Variants in CERS6 observed in about 807,000 individuals in gnomAD.
CERS6 encodes the protein LAG1 homolog, ceramide synthase 6.
Under a neutral mutation model 56.8 loss-of-function variants are expected in CERS6, and 26 were observed. The observed-to-expected ratio is 0.46, with a 90% CI of 0.34 to 0.63. The LOEUF is 0.63. CERS6 is among the 30% of genes least tolerant of loss of function. The pLI is 0.01. For synonymous variants in CERS6, 164 were observed against 173.3 expected (o/e 0.95, Z 0.42); for missense variants, 415 against 467.5 (o/e 0.89, Z 1.04).
intron 1 of CERS6, among the ~76,000 whole-genome samples, chr2:168,483,781 T>C (rs1480198523): frequency 3.9e-5 from 6 of 152,206 alleles, no homozygotes; most frequent in Non-Finnish European, 2.9e-5. Context: ...ACTAGGCGTA[T>C]TGGAACTTAA....
chr2:168,471,085 G>A (rs919235329), intron 1 of CERS6, among the ~76,000 whole-genome samples: 9 of 152,282 alleles, frequency 5.9e-5, no homozygotes, highest in Admixed American at 3.3e-4. Flanking sequence ...CTAAGATTGG[G>A]CAGAAGGCAA....
chr2:168,765,038 A>G (rs573785768), intron 8 of CERS6, among the ~76,000 whole-genome samples: 1 of 152,384 alleles, frequency 6.6e-6, no homozygotes, highest in South Asian at 2.1e-4. Flanking sequence ...TTAAAAAGGA[A>G]GGAAATTCTG....
intron 8 of CERS6, among the ~76,000 whole-genome samples, chr2:168,730,820 G>A (rs976649402): frequency 6.6e-6 from 1 of 152,140 alleles, no homozygotes; most frequent in Non-Finnish European, 1.5e-5. Context: ...AAGAGACATT[G>A]CAAAATAAAT....
chr2:168,759,876 C>T (rs1175249739), intron 8 of CERS6, among the ~76,000 whole-genome samples: 1 of 150,868 alleles, frequency 6.6e-6, no homozygotes, highest in Non-Finnish European at 1.5e-5. Context: ...TTATTAAAGC[C>T]AAAAGCTGTA....
At chr2:168,573,078 G>T (rs982970908) in intron 3 of CERS6, among the ~76,000 whole-genome samples, 1 of 152,054 alleles carries the variant, frequency 6.6e-6, no homozygotes. Context: ...TTCAATGGTG[G>T]TTACATGGAC....
intron 4 of CERS6, among the ~76,000 whole-genome samples, chr2:168,652,362 A>T (rs186740785): frequency 3.9e-5 from 6 of 152,272 alleles, no homozygotes. Context: ...AATAACTCTA[A>T]GTTTAATTTC....
At chr2:168,604,374 G>A (rs1574094424) in intron 3 of CERS6, among the ~76,000 whole-genome samples, 2 of 119,912 alleles carry the variant, frequency 1.7e-5, no homozygotes, top group Admixed American at 1.9e-4. Flanking sequence ...ACAGATTGAA[G>A]TTGAGCAGTT....
chr2:168,627,304 T>A (rs1684612532), intron 3 of CERS6, among the ~76,000 whole-genome samples: 1 of 152,244 alleles, frequency 6.6e-6, no homozygotes, highest in African/African-American at 2.4e-5. Flanking sequence ...ATAGTCTTTT[T>A]ATGCTAGAAT....
chr2:168,586,123 A>G (rs1683536065), intron 3 of CERS6, among the ~76,000 whole-genome samples: 1 of 151,692 alleles, frequency 6.6e-6, no homozygotes, highest in South Asian at 2.1e-4. Context: ...AGCTGGGACT[A>G]CAGGCTTGCA....
At chr2:168,606,469 T>C (rs1157614855) in intron 3 of CERS6, 1 of 152,210 alleles carries the variant, frequency 6.6e-6, no homozygotes. Flanking sequence ...CCTTCCTGTT[T>C]TAGTATATTT....
At chr2:168,612,949 G>A (rs1047748182) in intron 3 of CERS6, among the ~76,000 whole-genome samples, 1 of 152,196 alleles carries the variant, frequency 6.6e-6, no homozygotes, top group Non-Finnish European at 1.5e-5. Flanking sequence ...TCTGGCTGTG[G>A]CACTCAGCTA....
chr2:168,718,038 A>C, intron 8 of CERS6, 60 bp downstream of exon 8: 1 of 1,250,152 alleles, frequency 8.0e-7, no homozygotes, highest in East Asian at 2.4e-5. Flanking sequence ...TTTCTGAACC[A>C]TTTTCCTTTT....
intron 1 of CERS6, among the ~76,000 whole-genome samples, chr2:168,498,712 G>T (rs935037464): frequency 6.6e-6 from 1 of 152,202 alleles, no homozygotes. Context: ...CCAGAACCAC[G>T]CCGTGGCTGG....
At chr2:168,487,553 C>T (rs1003280320) in intron 1 of CERS6, among the ~76,000 whole-genome samples, 1 of 152,200 alleles carries the variant, frequency 6.6e-6, no homozygotes, top group Non-Finnish European at 1.5e-5. Flanking sequence ...AAGTCTCATA[C>T]AATTATAAGA....
In CERS6 at chr2:168,527,549, TG is replaced by T. The variant is rs1277883092; in HGVS notation, c.171-20044del. Among the ~76,000 whole-genome samples, 15 of 152,288 alleles carry T rather than the reference TG, an allele frequency of 9.8e-5. No individual in the cohort carries two copies. The East Asian group carries it at 2.9e-3, about 29-fold the overall frequency. On this transcript the variant is annotated intron_variant, in intron 1 of 9. Coordinates refer to ENST00000305747, the MANE Select transcript of CERS6 (RefSeq NM_203463.3). ...ATTTATTTCTCACAGTTCTAGAGGC[TG>T]GGAAGTTTAAGATCAGGCAGTGGCG... is the stretch of plus-strand genomic sequence containing the variant.
At chr2:168,556,592 G>A (rs1396591930) in intron 2 of CERS6, among the ~76,000 whole-genome samples, 1 of 152,064 alleles carries the variant, frequency 6.6e-6, no homozygotes, top group African/African-American at 2.4e-5. Context: ...GAAAGTAGGT[G>A]ACAAAACTAT....
At chr2:168,730,182 T>C (rs1442604044) in intron 8 of CERS6, among the ~76,000 whole-genome samples, 2 of 152,186 alleles carry the variant, frequency 1.3e-5, no homozygotes, top group Admixed American at 6.5e-5. Flanking sequence ...TTTGATCAGA[T>C]AGAAACAGAT....
chr2:168,484,888 G>A (rs1414057463), intron 1 of CERS6, among the ~76,000 whole-genome samples: 3 of 152,156 alleles, frequency 2.0e-5, no homozygotes, highest in African/African-American at 7.2e-5. Context: ...AATCCCTGGG[G>A]ACTGAAATAA....
chr2:168,576,823 T>C (rs1869370), intron 3 of CERS6, among the ~76,000 whole-genome samples: 141,916 of 152,270 alleles, frequency 0.93, 66,219 homozygotes, highest in East Asian at 1. Context: ...TGAAGATAAA[T>C]AGAATCTTCT....
Sources: allele counts gnomAD v4.1 joint callset (sites outside exome capture counted in the v4.1 genomes callset), GRCh38; gene constraint gnomAD v4.1.1; transcripts MANE v1.5; gene names NCBI Gene and HGNC (gene_info 2026-07-23, HGNC 2026-07-21).